CACNA1C: variants seen among roughly 807,000 people sequenced by gnomAD.
CACNA1C encodes the protein calcium voltage-gated channel subunit alpha1 C.
A neutral mutation model predicts 229.0 loss-of-function variants in CACNA1C; 30 were observed. The ratio of observed to expected loss-of-function variants is 0.13; its 90% CI spans 0.10 to 0.18. The LOEUF (loss-of-function observed/expected upper bound fraction) is 0.18, where lower values mean the gene tolerates loss of function less well. Among genes scored for constraint, CACNA1C ranks in the 10% least tolerant of loss-of-function variants. The pLI is 1.00. For missense variants in CACNA1C, 1,658 were observed against 2,845.0 expected (o/e 0.58, Z 9.49); for synonymous variants, 1,114 against 1,132.5 (o/e 0.98, Z 0.33).
intron 3 of CACNA1C, among the ~76,000 whole-genome samples, chr12:2,446,413 T>G (rs1398454198): frequency 4.6e-5 from 5 of 107,958 alleles, no homozygotes; most frequent in South Asian, 3.4e-4. Flanking sequence ...GGTGGGTGGG[T>G]GGATGGATGA....
rs1157176680 is a variant in CACNA1C at position 2,467,210 on chromosome 12, A to G, written c.757+9504A>G. Among the ~76,000 whole-genome samples, 1 of 151,824 alleles carries G rather than the reference A, an allele frequency of 6.6e-6. No homozygotes were observed. The highest frequency in any genetic ancestry group is 1.5e-5 in the Non-Finnish European group (1 of 67,946). On this transcript the variant is annotated intron_variant, in intron 5 of 46. Coordinates refer to ENST00000399655, the MANE Select transcript of CACNA1C (RefSeq NM_000719.7). The surrounding 1 kb of genome is among the most constrained non-coding windows in gnomAD (Gnocchi z 4.6). ...CTTTCACTGCCACAGGAAGTACTCA[A>G]ACCTTGTCCGCTGTATGTGTCTCAT...
chr12:2,292,933 CT>C (rs528110166), intron 3 of CACNA1C, among the ~76,000 whole-genome samples: 2,914 of 146,196 alleles, frequency 0.02, 51 homozygotes, highest in Non-Finnish European at 0.019. Flanking sequence ...TGCGTCCTTT[CT>C]TTTTTTTTTT....
intron 3 of CACNA1C, among the ~76,000 whole-genome samples, chr12:2,448,708 A>C (rs1307881543): frequency 6.6e-6 from 1 of 152,164 alleles, no homozygotes; most frequent in Non-Finnish European, 1.5e-5. Flanking sequence ...TTCAAAAAAT[A>C]TGAAATTTTT....
intron 3 of CACNA1C, among the ~76,000 whole-genome samples, chr12:2,276,384 G>T (rs1378753045): frequency 6.6e-6 from 1 of 152,138 alleles, no homozygotes; most frequent in Non-Finnish European, 1.5e-5. Flanking sequence ...AGTAAGTCAG[G>T]GATTACCAAA....
chr12:2,416,969 C>T (rs1056523814), intron 3 of CACNA1C, among the ~76,000 whole-genome samples: 12 of 152,208 alleles, frequency 7.9e-5, no homozygotes, highest in African/African-American at 2.7e-4. Context: ...TCATCACAGA[C>T]AGTCCTTTAG....
chr12:2,214,798 C>A (rs1439467429), intron 3 of CACNA1C, among the ~76,000 whole-genome samples: 1 of 149,994 alleles, frequency 6.7e-6, no homozygotes, highest in African/African-American at 2.5e-5. Context: ...GCAGACACTT[C>A]TAGTTAGCGC....
chr12:1,972,818 A>G (rs866311549), intron 1 of CACNA1C, among the ~76,000 whole-genome samples: 1 of 151,812 alleles, frequency 6.6e-6, no homozygotes, highest in Non-Finnish European at 1.5e-5. Context: ...GGGAGGGGGG[A>G]GATCAGTGAG....
intron 42 of CACNA1C, chr12:2,682,076 T>G: frequency 7.3e-7 from 1 of 1,365,486 alleles, no homozygotes; most frequent in Non-Finnish European, 1.0e-6. Context: ...TCTCTGTGCC[T>G]TTACCCCAGG....
intron 9 of CACNA1C, among the ~76,000 whole-genome samples, chr12:2,514,657 C>T (rs1396615315): frequency 6.6e-6 from 1 of 152,142 alleles, no homozygotes; most frequent in African/African-American, 2.4e-5. Flanking sequence ...TAAGTCAGAG[C>T]ACTGGTGCTA....
intron 1 of CACNA1C, among the ~76,000 whole-genome samples, chr12:2,111,028 C>T (rs540809867): frequency 6.8e-4 from 70 of 103,278 alleles, no homozygotes; most frequent in African/African-American, 2.1e-3. Context: ...CACCTGTGTG[C>T]GGCTCTGCAC....
chr12:2,198,209 C>T (rs769824499), intron 3 of CACNA1C, among the ~76,000 whole-genome samples: 19 of 152,170 alleles, frequency 1.2e-4, no homozygotes, highest in Non-Finnish European at 2.5e-4. Flanking sequence ...GTGTTTGTGC[C>T]TTCGTCCTTT....
intron 3 of CACNA1C, among the ~76,000 whole-genome samples, chr12:2,153,451 ACCTATTAAACAAT>A (rs574427900): frequency 5.6e-4 from 85 of 152,118 alleles, no homozygotes; most frequent in Non-Finnish European, 1.1e-3. Context: ...GAAACGCTCT[ACCTATTAAACAAT>A]CAGTTCCCAT....
intron 3 of CACNA1C, among the ~76,000 whole-genome samples, chr12:2,267,737 C>G (rs918897106): frequency 3.3e-5 from 5 of 152,210 alleles, no homozygotes; most frequent in Non-Finnish European, 5.9e-5. Flanking sequence ...ACTCAGCTTC[C>G]CGCCCTCTCT....
intron 3 of CACNA1C, among the ~76,000 whole-genome samples, chr12:2,234,634 G>T (rs1450314911): frequency 1.3e-5 from 2 of 152,102 alleles, no homozygotes; most frequent in East Asian, 3.9e-4. Flanking sequence ...CCATTTTTAT[G>T]TTGGTGTTTT....
At position 2,602,632 on chromosome 12, in the gene CACNA1C, G is replaced by A. The variant is rs1808326; in HGVS notation, c.2960+672G>A. ...GTGTGACTGTGTATATTTGTGTCTT[G>A]TGTGTGTGTGTGTGTGTGTGTGTGT... On this transcript the variant is annotated intron_variant, in intron 22 of 46. Transcript: ENST00000399655. This position sits in a 1 kb window ranked among gnomAD's most constrained non-coding sequence, Gnocchi z 4.4. Among the ~76,000 whole-genome samples, 3 of 580 alleles carry A rather than the reference G, an allele frequency of 5.2e-3. No homozygotes were observed. Among genetic ancestry groups the A allele is most frequent in the African/African-American group, 7.0e-3 (3 of 426 alleles). 0.4% of individuals were successfully genotyped at this position (580 alleles called of 152,430 possible). A position where few individuals can be genotyped will look rare whatever the true frequency, so the allele number is the denominator to read the frequency against.
At chr12:2,622,173 G>C (rs573138465) in intron 29 of CACNA1C, among the ~76,000 whole-genome samples, 2 of 152,134 alleles carry the variant, frequency 1.3e-5, no homozygotes, top group Non-Finnish European at 1.5e-5. Flanking sequence ...AGAAAGAAAC[G>C]GTCCTCCAGG....
chr12:2,258,952 A>G (rs2079021128), intron 3 of CACNA1C, among the ~76,000 whole-genome samples: 1 of 152,178 alleles, frequency 6.6e-6, no homozygotes, highest in Non-Finnish European at 1.5e-5. Context: ...AAATTAACAT[A>G]TGTGTTTTCA....
intron 3 of CACNA1C, among the ~76,000 whole-genome samples, chr12:2,190,832 ACTT>A (rs1025495678): frequency 8.0e-4 from 122 of 151,854 alleles, no homozygotes; most frequent in African/African-American, 2.8e-3. Context: ...GTCTCAGAAT[ACTT>A]CTGCCGACAG....
intron 3 of CACNA1C, among the ~76,000 whole-genome samples, chr12:2,433,443 C>A (rs1178577902): frequency 8.3e-6 from 1 of 120,218 alleles, no homozygotes; most frequent in Non-Finnish European, 1.9e-5. Context: ...GATAAATAGC[C>A]CTTCTCTGCC....
Sources: gnomAD v4.1 joint callset for allele counts (sites outside exome capture counted in the v4.1 genomes callset) on GRCh38, gnomAD v4.1.1 for gene constraint, Gnocchi (gnomAD v3.1) non-coding constraint, MANE v1.5 for transcripts, NCBI Gene and HGNC (gene_info 2026-07-23, HGNC 2026-07-21) for gene names.